ADCY5: variants seen among roughly 807,000 people sequenced by gnomAD.
The protein encoded by ADCY5 is adenylate cyclase 5.
A neutral mutation model predicts 119.7 loss-of-function variants in ADCY5; 30 were observed. The observed-to-expected ratio is 0.25, with a 90% CI of 0.19 to 0.34. The LOEUF is 0.34. Among genes scored for constraint, ADCY5 ranks in the 10% least tolerant of loss-of-function variants. The probability of loss-of-function intolerance (pLI) is 1.00; values close to 1 mark genes in which losing one functional copy is unlikely to be tolerated. For synonymous variants in ADCY5, 753 were observed against 762.2 expected (o/e 0.99, Z 0.20); for missense variants, 1,324 against 1,775.2 (o/e 0.75, Z 4.57).
rs1938584039 is a variant in ADCY5, at chr3:123,284,319, A to G, written c.*289T>C. ...TCCCACGGCTCCTTTCCACCTGTGCAGCAGCACCTGTTAGAAAACTCAAGC... is the reference window on the plus strand; with the variant it reads ...TCCCACGGCTCCTTTCCACCTGTGCGGCAGCACCTGTTAGAAAACTCAAGC... On this transcript the variant is annotated 3_prime_UTR_variant, in exon 21 of 21. Transcript: ENST00000462833. 1 of 395,382 alleles carries G rather than the reference A, an allele frequency of 2.5e-6. No individual in the cohort carries two copies. The highest frequency in any genetic ancestry group is 7.3e-4 in the Middle Eastern group (1 of 1,378). The allele number at this position is 395,382 out of a possible 1,614,324, so 24.5% of individuals were successfully genotyped here.
chr3:123,361,443 C>A (rs1462567751), intron 1 of ADCY5, among the ~76,000 whole-genome samples: 6 of 152,174 alleles, frequency 3.9e-5, no homozygotes, highest in Non-Finnish European at 7.3e-5. Context: ...TTTCAACATC[C>A]CCAAAAGAAA....
Position 123,300,240 on chromosome 3 carries a change from A to T in ADCY5, c.2780T>A (p.Ile927Asn), listed in dbSNP as rs145879372. 29 of 1,613,612 alleles carry T rather than the reference A, an allele frequency of 1.8e-5. No homozygotes were observed. In the Admixed American group the frequency reaches 3.3e-4, roughly 19 times the overall value. ...SLLACSVFLQ[I>N]SCIGKLVLML... ...GAGCACCAGCTTCCCGATGCAGCTG[A>T]TCTGCAGGAACACGGAGCAGGCCAG... is the stretch of plus-strand genomic sequence containing the variant. Residue 927 changes from isoleucine to asparagine, a missense_variant, in exon 15 of 21, where the codon ATC (isoleucine) becomes AAC (asparagine). Coordinates refer to ENST00000462833, the MANE Select transcript of ADCY5 (RefSeq NM_183357.3).
At chr3:123,319,979 A>G (rs1941135010) in intron 9 of ADCY5, among the ~76,000 whole-genome samples, 161 bp from the exon 10 acceptor site, 1 of 152,192 alleles carries the variant, frequency 6.6e-6, no homozygotes, top group Admixed American at 6.5e-5. Flanking sequence ...CCAGAAGCCT[A>G]AGCCGTGCTC....
intron 12 of ADCY5, among the ~76,000 whole-genome samples, chr3:123,304,980 CT>C (rs1021480724): frequency 6.6e-6 from 1 of 152,116 alleles, no homozygotes; most frequent in Non-Finnish European, 1.5e-5. Flanking sequence ...TGCCCTACCC[CT>C]ACCTGCCCCC....
Position 123,448,021 on chromosome 3 carries a change from G to A in ADCY5, c.525C>T (p.Ala175=), listed in dbSNP as rs1945858980. The A allele has an allele frequency of 3.9e-6, 5 of 1,270,544 alleles. No homozygotes were observed. The highest frequency in any genetic ancestry group is 5.9e-5 in the South Asian group (2 of 34,112). 78.7% of individuals were successfully genotyped at this position (1,270,544 alleles called of 1,614,324 possible). A position where few individuals can be genotyped will look rare whatever the true frequency, so the allele number is the denominator to read the frequency against. ...ACCCCTCGCCGCCCTCGACGGCGCC[G>A]GCCTCCAGCTCGTCGGCCGCGCGCC... The part of the protein sequence containing the change: ...GKGRAADELE[A]GAVEGGEGSG... Residue 175 remains alanine, a synonymous_variant, in exon 1 of 21, where the codon GCC becomes GCT. Transcript: ENST00000462833.
intron 1 of ADCY5, among the ~76,000 whole-genome samples, chr3:123,434,437 G>A (rs994599355): frequency 3.3e-5 from 5 of 152,136 alleles, no homozygotes; most frequent in Admixed American, 6.5e-5. Context: ...AGGGGTTAGG[G>A]CAACTCTGCC....
intron 1 of ADCY5, among the ~76,000 whole-genome samples, chr3:123,411,920 C>A (rs888824545): frequency 6.6e-6 from 1 of 152,180 alleles, no homozygotes; most frequent in African/African-American, 2.4e-5. Context: ...AGTGTCCATC[C>A]CCGCAGCCTG....
intron 12 of ADCY5, among the ~76,000 whole-genome samples, chr3:123,312,162 C>G (rs1378945575): frequency 6.6e-6 from 1 of 152,100 alleles, no homozygotes; most frequent in Non-Finnish European, 1.5e-5. Flanking sequence ...TTCACCTAAG[C>G]CCCTAACAGA....
chr3:123,352,648 C>G lies in ADCY5; in HGVS notation c.1135-67G>C. The G allele has an allele frequency of 6.6e-7, 1 of 1,523,054 alleles. No homozygotes were observed. Among genetic ancestry groups the G allele is most frequent in the Non-Finnish European group, 8.9e-7 (1 of 1,128,212 alleles). The allele number at this position is 1,523,054 out of a possible 1,614,324, so 94.3% of individuals were successfully genotyped here. A position where few individuals can be genotyped will look rare whatever the true frequency, so the allele number is the denominator to read the frequency against. ...CTTCCTGGCCCCAAAGCATGAAGCC[C>G]TCAGCCCCTGTCTCAGCAAACTCAC... On this transcript the variant is annotated intron_variant, in intron 1 of 20. Coordinates refer to ENST00000462833, the MANE Select transcript of ADCY5 (RefSeq NM_183357.3). The surrounding 1 kb of genome is among the most constrained non-coding windows in gnomAD (Gnocchi z 4.8).
At chr3:123,423,334 G>A (rs1372992149) in intron 1 of ADCY5, among the ~76,000 whole-genome samples, 4 of 152,208 alleles carry the variant, frequency 2.6e-5, no homozygotes, top group Admixed American at 6.5e-5. Flanking sequence ...AAGGGGAAGC[G>A]GAGGGAAGCC....
intron 1 of ADCY5, among the ~76,000 whole-genome samples, chr3:123,394,889 G>A (rs1165136481): frequency 6.6e-6 from 1 of 152,202 alleles, no homozygotes; most frequent in African/African-American, 2.4e-5. Context: ...TGTACTTTCA[G>A]AAGACTTCTA....
chr3:123,370,378 G>T (rs1159201008), intron 1 of ADCY5, among the ~76,000 whole-genome samples: 1 of 152,208 alleles, frequency 6.6e-6, no homozygotes, highest in East Asian at 1.9e-4. Flanking sequence ...CAGTCACTGG[G>T]CACATGGCTG....
chr3:123,330,016 C>T (rs186084795), intron 5 of ADCY5, among the ~76,000 whole-genome samples: 68 of 152,322 alleles, frequency 4.5e-4, no homozygotes, highest in Admixed American at 4.4e-3. Flanking sequence ...AATAGTCTGC[C>T]TCCCTTACCT....
At chr3:123,399,745 T>C (rs1419446915) in intron 1 of ADCY5, among the ~76,000 whole-genome samples, 1 of 152,234 alleles carries the variant, frequency 6.6e-6, no homozygotes, top group Non-Finnish European at 1.5e-5. Context: ...AGTGCCCTAA[T>C]GCTGAATCTT....
At chr3:123,315,750 G>T (rs543892914) in intron 11 of ADCY5, among the ~76,000 whole-genome samples, 1 of 151,972 alleles carries the variant, frequency 6.6e-6, no homozygotes, top group African/African-American at 2.4e-5. Context: ...TGATTTTTGC[G>T]TCACCACGCC....
At chr3:123,419,912 G>A (rs541940778) in intron 1 of ADCY5, among the ~76,000 whole-genome samples, 48 of 151,830 alleles carry the variant, frequency 3.2e-4, no homozygotes, top group Non-Finnish European at 5.9e-4. Flanking sequence ...TATTATTTGC[G>A]CAGTTGTTGT....
In ADCY5 at chr3:123,395,420, C is replaced by T. The variant is rs543934371; in HGVS notation, c.1135-42839G>A. On this transcript the variant is annotated intron_variant, in intron 1 of 20. Transcript: ENST00000462833. ...CCCCTCTGCCTGCTGAATCCTCCTCCGCCTCACAGGCTCCTTTCCATACTG... is the reference window on the plus strand; with the variant it reads ...CCCCTCTGCCTGCTGAATCCTCCTCTGCCTCACAGGCTCCTTTCCATACTG... Among the ~76,000 whole-genome samples the T allele has an allele frequency of 3.0e-4, 45 of 152,344 alleles. No individual in the cohort carries two copies. In the South Asian group the frequency reaches 7.7e-3, roughly 26 times the overall value.
chr3:123,393,461 C>G (rs569942570), intron 1 of ADCY5, among the ~76,000 whole-genome samples: 2 of 151,904 alleles, frequency 1.3e-5, no homozygotes, highest in Non-Finnish European at 2.9e-5. Flanking sequence ...GGAGGCTGAA[C>G]CAACAGGATC....
intron 1 of ADCY5, among the ~76,000 whole-genome samples, chr3:123,414,718 G>A (rs1027376812): frequency 1.3e-5 from 2 of 152,078 alleles, no homozygotes; most frequent in Non-Finnish European, 2.9e-5. Context: ...CACCATGCCC[G>A]GCTAATTTTT....
Sources: allele counts gnomAD v4.1 joint callset (sites outside exome capture counted in the v4.1 genomes callset), GRCh38; gene constraint gnomAD v4.1.1; non-coding constraint Gnocchi (gnomAD v3.1); transcripts MANE v1.5; gene names NCBI Gene and HGNC (gene_info 2026-07-23, HGNC 2026-07-21).